The following SHISA9 variants were observed in gnomAD, a reference collection of about 807,000 sequenced individuals.
SHISA9 encodes shisa family member 9.
A neutral mutation model predicts 38.0 loss-of-function variants in SHISA9; 13 were observed. The observed-to-expected ratio is 0.34, with a 90% CI of 0.22 to 0.54. The LOEUF (loss-of-function observed/expected upper bound fraction) is 0.54, where lower values mean the gene tolerates loss of function less well. SHISA9 is among the 20% of genes least tolerant of loss of function. The pLI is 0.91. For missense variants in SHISA9, 538 were observed against 575.8 expected (o/e 0.93, Z 0.67); for synonymous variants, 275 against 242.0 (o/e 1.14, Z -1.27).
At chr16:13,491,259 T>A in the SHISA9 span, among the ~76,000 whole-genome samples, 15 of 152,212 alleles carry the variant, frequency 9.9e-5, no homozygotes, top group Admixed American at 3.3e-4. Context: ...ACGATGACGA[T>A]GATGATGATG....
chr16:13,065,561 C>A (rs542759149), intron 2 of SHISA9, among the ~76,000 whole-genome samples: 1 of 152,322 alleles, frequency 6.6e-6, no homozygotes, highest in East Asian at 1.9e-4. Context: ...GGCTTTTGCC[C>A]ATGTTTCTAG....
the SHISA9 span, among the ~76,000 whole-genome samples, chr16:13,455,127 C>G: frequency 1.3e-5 from 2 of 152,112 alleles, no homozygotes; most frequent in African/African-American, 4.8e-5. Context: ...TACCTTTATA[C>G]ACTATGTATC....
At chr16:12,943,101 G>A (rs777981487) in intron 2 of SHISA9, among the ~76,000 whole-genome samples, 6 of 152,062 alleles carry the variant, frequency 3.9e-5, no homozygotes, top group Non-Finnish European at 7.4e-5. Context: ...CCCTTGGAAA[G>A]TCCATGATTG....
chr16:13,129,825 T>C (rs542392415), intron 2 of SHISA9, among the ~76,000 whole-genome samples: 1 of 152,154 alleles, frequency 6.6e-6, no homozygotes, highest in Non-Finnish European at 1.5e-5. Flanking sequence ...TCTTACCCCA[T>C]GTCCAACCAG....
chr16:12,908,580 G>C (rs1412722642), intron 1 of SHISA9: 1 of 1,551,762 alleles, frequency 6.4e-7, no homozygotes, highest in African/African-American at 1.4e-5. Flanking sequence ...TGGACAGTCT[G>C]AGTGCACGGA....
the SHISA9 span, among the ~76,000 whole-genome samples, chr16:13,423,917 C>T: frequency 3.3e-5 from 5 of 152,210 alleles, no homozygotes; most frequent in Non-Finnish European, 5.9e-5. Context: ...CCAACAAGGA[C>T]GCATTGAGTT....
the SHISA9 span, among the ~76,000 whole-genome samples, chr16:13,541,892 T>C: frequency 6.6e-6 from 1 of 152,240 alleles, no homozygotes; most frequent in Admixed American, 6.5e-5. Flanking sequence ...TGGGGTATAC[T>C]GGGTCGAATG....
chr16:13,408,700 C>T, the SHISA9 span, among the ~76,000 whole-genome samples: 1 of 152,200 alleles, frequency 6.6e-6, no homozygotes, highest in Non-Finnish European at 1.5e-5. Context: ...CACAGCCTAA[C>T]TTTTGCCTTC....
intron 2 of SHISA9, among the ~76,000 whole-genome samples, chr16:13,073,452 C>T (rs1018575945): frequency 2.6e-5 from 4 of 152,130 alleles, no homozygotes; most frequent in African/African-American, 7.2e-5. Context: ...TGATCTCCCA[C>T]GTGGGGTCCC....
chr16:13,200,428 ACACACACACACACAG>A (rs2050994125), intron 2 of SHISA9, among the ~76,000 whole-genome samples: 2 of 132,092 alleles, frequency 1.5e-5, no homozygotes, highest in African/African-American at 6.8e-5. Context: ...ACACACACAC[ACACACACACACACAG>A]CAGCAGCAGC....
intron 2 of SHISA9, among the ~76,000 whole-genome samples, chr16:13,164,135 G>A (rs771904591): frequency 1.4e-4 from 22 of 151,956 alleles, no homozygotes; most frequent in Non-Finnish European, 2.8e-4. Flanking sequence ...ATAGATGTCC[G>A]TTATCAGTTT....
chr16:13,012,514 C>T (rs2141853808), intron 2 of SHISA9, among the ~76,000 whole-genome samples: 1 of 152,190 alleles, frequency 6.6e-6, no homozygotes, highest in African/African-American at 2.4e-5. Flanking sequence ...GGGATGAGAC[C>T]AAACAACTGG....
At chr16:13,431,538 AC>A in the SHISA9 span, among the ~76,000 whole-genome samples, 2 of 152,230 alleles carry the variant, frequency 1.3e-5, no homozygotes, top group East Asian at 3.8e-4. Flanking sequence ...GGAAAAACAA[AC>A]AAACATTTGG....
At chr16:13,002,860 A>C (rs2072543621) in intron 2 of SHISA9, among the ~76,000 whole-genome samples, 1 of 152,022 alleles carries the variant, frequency 6.6e-6, no homozygotes, top group South Asian at 2.1e-4. Context: ...CGCTTGCTGG[A>C]GTAGGAATTT....
intron 2 of SHISA9, among the ~76,000 whole-genome samples, chr16:13,195,628 G>C (rs1200935942): frequency 6.6e-6 from 1 of 152,128 alleles, no homozygotes; most frequent in East Asian, 1.9e-4. Context: ...TTTTATAGAG[G>C]AGAAATCTGT....
chr16:13,000,076 C>A (rs373785411), intron 2 of SHISA9, among the ~76,000 whole-genome samples: 1 of 152,268 alleles, frequency 6.6e-6, no homozygotes, highest in East Asian at 1.9e-4. Context: ...GTCTTTTTTA[C>A]GCATAAGTGT....
intron 2 of SHISA9, among the ~76,000 whole-genome samples, chr16:13,015,926 C>T (rs763744566): frequency 6.2e-5 from 4 of 64,692 alleles, no homozygotes; most frequent in Non-Finnish European, 1.2e-4. Flanking sequence ...TTTCTCCTTC[C>T]TTCCTTCTTT....
the SHISA9 span, among the ~76,000 whole-genome samples, chr16:13,294,406 T>C: frequency 2.6e-5 from 4 of 152,168 alleles, no homozygotes; most frequent in African/African-American, 9.7e-5. Context: ...ATCATTCCTC[T>C]TCTTCCTGGA....
the SHISA9 span, among the ~76,000 whole-genome samples, chr16:13,431,333 G>A: frequency 2.0e-5 from 3 of 152,062 alleles, no homozygotes; most frequent in Non-Finnish European, 4.4e-5. Flanking sequence ...GGGTCGAATA[G>A]GGAAAAAAAT....
Sources: allele counts gnomAD v4.1 joint callset (sites outside exome capture counted in the v4.1 genomes callset), GRCh38; gene constraint gnomAD v4.1.1; transcripts MANE v1.5; gene names NCBI Gene and HGNC (gene_info 2026-07-23, HGNC 2026-07-21).